ZNF724: variants seen among roughly 807,000 people sequenced by gnomAD.
ZNF724 encodes the protein zinc finger protein 724 pseudogene.
ZNF724 carries 14 observed loss-of-function variants against 29.3 expected under a neutral mutation model. The observed-to-expected ratio is 0.48, with a 90% CI of 0.32 to 0.75. The LOEUF (loss-of-function observed/expected upper bound fraction) is 0.75. Among genes scored for constraint, ZNF724 ranks in the 30% least tolerant of loss-of-function variants. ZNF724 has a pLI of 0.04. For missense variants in ZNF724, 557 were observed against 571.2 expected, an observed-to-expected ratio of 0.98 and a Z score of 0.25; for synonymous variants, 180 against 193.6, an observed-to-expected ratio of 0.93 and a Z score of 0.58.
chr19:23,228,074 T>C (rs1052018850), intron 3 of ZNF724, among the ~76,000 whole-genome samples: 1 of 151,784 alleles, frequency 6.6e-6, no homozygotes, highest in Non-Finnish European at 1.5e-5. Flanking sequence ...TACACTGAGG[T>C]TGGAGAATTT....
chr19:23,233,572 T>C (rs1971974885), intron 1 of ZNF724, among the ~76,000 whole-genome samples: 1 of 152,044 alleles, frequency 6.6e-6, no homozygotes, highest in South Asian at 2.1e-4. Context: ...TGGTGATAAT[T>C]TTGCAAGGCA....
intron 1 of ZNF724, among the ~76,000 whole-genome samples, chr19:23,234,337 T>C (rs2145782354): frequency 6.6e-6 from 1 of 152,322 alleles, no homozygotes. Flanking sequence ...AGCCATGTAA[T>C]TTGAGTGCCT....
intron 2 of ZNF724, among the ~76,000 whole-genome samples, chr19:23,231,580 T>A (rs1971934370): frequency 1.3e-5 from 2 of 152,316 alleles, no homozygotes; most frequent in Admixed American, 6.5e-5. Context: ...GATTTTAAGG[T>A]ATAGAAAACA....
chr19:23,232,899 G>T (rs1472661452), intron 1 of ZNF724, among the ~76,000 whole-genome samples: 1 of 151,996 alleles, frequency 6.6e-6, no homozygotes, highest in East Asian at 1.9e-4. Flanking sequence ...GAAACCCTAA[G>T]AAAGAAGAGC....
At position 23,229,641 on chromosome 19, in the gene ZNF724, G is replaced by C. The variant is rs146124842; in HGVS notation, c.226+1625C>G. Among the ~76,000 whole-genome samples the C allele has an allele frequency of 3.0e-4, 45 of 152,288 alleles. 1 individual carries two copies. Among genetic ancestry groups the C allele is most frequent in the African/African-American group, 1.0e-3 (42 of 41,558 alleles). On this transcript the variant is annotated intron_variant, in intron 3 of 3. Coordinates refer to ENST00000418100, the MANE Select transcript of ZNF724 (RefSeq NM_001355404.2). ...CAAATTACAACTACACAATCCCCTT[G>C]TAACAAGGCAACTAAAGGTAAACCC...
At chr19:23,235,413 A>T (rs1281040656) in intron 1 of ZNF724, among the ~76,000 whole-genome samples, 1 of 152,210 alleles carries the variant, frequency 6.6e-6, no homozygotes, top group Non-Finnish European at 1.5e-5. Context: ...TGACTTGTGG[A>T]GCAACTACTG....
At chr19:23,230,481 A>G (rs1204359591) in intron 3 of ZNF724, among the ~76,000 whole-genome samples, 2 of 93,456 alleles carry the variant, frequency 2.1e-5, no homozygotes, top group African/African-American at 7.9e-5. Context: ...TTCAAACTAT[A>G]TTTCAAGACT....
At chr19:23,230,895 TTATC>T (rs967680672) in intron 3 of ZNF724, 7 of 153,592 alleles carry the variant, frequency 4.6e-5, no homozygotes, top group Admixed American at 3.3e-4. Context: ...ATTTATTTAT[TTATC>T]TGAGACGGAG....
chr19:23,241,183 A>T (rs888986493), intron 1 of ZNF724, among the ~76,000 whole-genome samples: 4 of 152,300 alleles, frequency 2.6e-5, no homozygotes, highest in Admixed American at 2.6e-4. Flanking sequence ...TTCTAGACAA[A>T]CAAATTCTCT....
intron 1 of ZNF724, among the ~76,000 whole-genome samples, chr19:23,232,811 C>A (rs1483058236): frequency 1.2e-4 from 5 of 42,018 alleles, no homozygotes; most frequent in African/African-American, 3.8e-4. Context: ...AGTGAAATAA[C>A]CTGTTTTTCC....
intron 3 of ZNF724, among the ~76,000 whole-genome samples, chr19:23,224,802 A>C (rs1599635586): frequency 6.6e-6 from 1 of 152,068 alleles, no homozygotes; most frequent in Non-Finnish European, 1.5e-5. Context: ...TAAAAACACA[A>C]AAATTAGCCA....
At chr19:23,224,324 A>T (rs1353357995) in intron 3 of ZNF724, among the ~76,000 whole-genome samples, 3 of 152,118 alleles carry the variant, frequency 2.0e-5, no homozygotes, top group Non-Finnish European at 4.4e-5. Context: ...GAGGCAGAAG[A>T]ATCGCTTGAA....
intron 3 of ZNF724, among the ~76,000 whole-genome samples, chr19:23,227,564 A>AC (rs1182083699): frequency 7.3e-5 from 8 of 109,952 alleles, no homozygotes; most frequent in African/African-American, 1.6e-4. Context: ...TCAAAAAAAA[A>AC]AAAAAACAAA....
chr19:23,223,807 C>T lies in ZNF724; in HGVS notation c.438G>A (p.Gln146=), dbSNP rs1473075000. 1.3e-6 allele frequency: 1 copy of T among 778,672 alleles called. No homozygotes were observed. The highest frequency in any genetic ancestry group is 2.4e-6 in the Non-Finnish European group (1 of 417,064). The allele number at this position is 778,672 out of a possible 1,614,324, so 48.2% of individuals were successfully genotyped here. ...CLTTTQSKIF[Q]CDKYVKDFHK... The stretch of plus-strand genomic sequence containing the variant: ...GAAAGTCTTTCACATATTTATCACA[C>T]TGAAATATTTTGCTCTGGGTAGTTG... Residue 146 remains glutamine, a synonymous_variant, in exon 4 of 4, where the codon CAG becomes CAA. Transcript: ENST00000418100.
At chr19:23,243,127 C>T (rs1163030077) in intron 1 of ZNF724, among the ~76,000 whole-genome samples, 1 of 148,826 alleles carries the variant, frequency 6.7e-6, no homozygotes, top group Middle Eastern at 3.3e-3. Flanking sequence ...AAAAAAGGAA[C>T]AAGATCATTT....
chr19:23,232,093 C>A, intron 2 of ZNF724, 74 bp downstream of exon 2: 1 of 1,156,222 alleles, frequency 8.6e-7, no homozygotes, highest in Admixed American at 1.9e-5. Flanking sequence ...GATCAATTAC[C>A]AAAAAACATC....
intron 3 of ZNF724, among the ~76,000 whole-genome samples, chr19:23,228,897 C>CAAA: frequency 8.7e-6 from 1 of 114,648 alleles, no homozygotes; most frequent in East Asian, 2.6e-4. Flanking sequence ...GCCCCACTTC[C>CAAA]AAAAAAAAAA....
chr19:23,237,505 T>G (rs1972040991), intron 1 of ZNF724, among the ~76,000 whole-genome samples: 1 of 151,980 alleles, frequency 6.6e-6, no homozygotes, highest in African/African-American at 2.4e-5. Context: ...AACCATAATT[T>G]AGTTATAATA....
intron 1 of ZNF724, among the ~76,000 whole-genome samples, chr19:23,235,975 T>C (rs1279583535): frequency 6.6e-6 from 1 of 152,060 alleles, no homozygotes; most frequent in Non-Finnish European, 1.5e-5. Context: ...AGTAAAAGAA[T>C]TTATAGCACC....
Sources: gnomAD v4.1 joint callset for allele counts (sites outside exome capture counted in the v4.1 genomes callset) on GRCh38, gnomAD v4.1.1 for gene constraint, MANE v1.5 for transcripts, NCBI Gene and HGNC (gene_info 2026-07-23, HGNC 2026-07-21) for gene names.